CHFR: variants seen among roughly 807,000 people sequenced by gnomAD.
CHFR encodes E3 ubiquitin-protein ligase CHFR.
CHFR carries 57 observed loss-of-function variants against 87.6 expected under a neutral mutation model. The ratio of observed to expected loss-of-function variants is 0.65; its 90% CI spans 0.53 to 0.81. The LOEUF (loss-of-function observed/expected upper bound fraction) is 0.81, where lower values mean the gene tolerates loss of function less well. Ranked by LOEUF, CHFR falls within the 30% of genes least tolerant of loss-of-function variation. The pLI, the probability that CHFR is intolerant of heterozygous loss-of-function variation, is 0.00. For synonymous variants in CHFR, 381 were observed against 359.2 expected (o/e 1.06, Z -0.69); for missense variants, 797 against 865.8 (o/e 0.92, Z 1.00).
intron 15 of CHFR, among the ~76,000 whole-genome samples, chr12:132,845,845 C>T (rs1467188739): frequency 6.6e-6 from 1 of 152,192 alleles, no homozygotes; most frequent in Non-Finnish European, 1.5e-5. Context: ...TCCAAGCTGG[C>T]CCCACCTGTT....
At chr12:132,879,637 C>T (rs1391136939) in intron 2 of CHFR, among the ~76,000 whole-genome samples, 15 of 152,110 alleles carry the variant, frequency 9.9e-5, no homozygotes, top group Non-Finnish European at 1.9e-4. Flanking sequence ...GATATGCCCG[C>T]CTCGGCTTCT....
At chr12:132,872,752 C>T (rs1251297592) in intron 3 of CHFR, among the ~76,000 whole-genome samples, 4 of 152,194 alleles carry the variant, frequency 2.6e-5, no homozygotes, top group African/African-American at 7.2e-5. Context: ...TTGTGCTATC[C>T]ACAGTTCTGT....
chr12:132,877,773 A>G, intron 2 of CHFR, 119 bp from the exon 3 acceptor site: 1 of 524,614 alleles, frequency 1.9e-6, no homozygotes, highest in Non-Finnish European at 3.3e-6. Context: ...ATATGTAAAA[A>G]AAAACACTTG....
rs900499228 is a variant in CHFR at position 132,836,995 on chromosome 12, T to C, written c.*4559A>G. 5 of 353,976 alleles carry C rather than the reference T, an allele frequency of 1.4e-5. No individual in the cohort carries two copies. The highest frequency in any genetic ancestry group is 2.2e-5 in the Non-Finnish European group (4 of 180,266). 21.9% of individuals were successfully genotyped at this position (353,976 alleles called of 1,614,324 possible). A position where few individuals can be genotyped will look rare whatever the true frequency, so the allele number is the denominator to read the frequency against. ...ATAGTGACAGGTGCTGGGGGGAAACTAGACTGGCTGGCGGGGTGGGGGCAG... is the reference window on the plus strand; with the variant it reads ...ATAGTGACAGGTGCTGGGGGGAAACCAGACTGGCTGGCGGGGTGGGGGCAG... On this transcript the variant is annotated 3_prime_UTR_variant, in exon 18 of 18. Transcript: ENST00000450056.
chr12:132,871,974 T>C (rs533441159), intron 4 of CHFR: 19 of 314,826 alleles, frequency 6.0e-5, no homozygotes, highest in Admixed American at 9.4e-5. Context: ...CTAGGTTTTA[T>C]TCCCCATAAC....
chr12:132,863,768 T>C (rs1158605912), intron 6 of CHFR, among the ~76,000 whole-genome samples: 1 of 152,112 alleles, frequency 6.6e-6, no homozygotes, highest in Admixed American at 6.5e-5. Context: ...ATCACCTCTA[T>C]CTTTTTTTTG....
chr12:132,862,173 G>A (rs181632183), intron 6 of CHFR, among the ~76,000 whole-genome samples: 1 of 152,116 alleles, frequency 6.6e-6, no homozygotes, highest in Non-Finnish European at 1.5e-5. Context: ...TACTCAAGAG[G>A]CTGAGGCAGA....
chr12:132,871,156 G>T (rs1951478751), intron 4 of CHFR, among the ~76,000 whole-genome samples: 1 of 152,194 alleles, frequency 6.6e-6, no homozygotes, highest in Non-Finnish European at 1.5e-5. Flanking sequence ...GTGGTCTTTA[G>T]GTATTTCAGG....
chr12:132,863,934 T>C (rs1951273799), intron 6 of CHFR, among the ~76,000 whole-genome samples: 1 of 152,150 alleles, frequency 6.6e-6, no homozygotes, highest in Non-Finnish European at 1.5e-5. Context: ...AAATTGTTTT[T>C]TGTATTTTTG....
At chr12:132,869,947 G>A in intron 5 of CHFR, 149 bp from the exon 6 acceptor site, 1 of 885,196 alleles carries the variant, frequency 1.1e-6, no homozygotes, top group Non-Finnish European at 1.7e-6. Flanking sequence ...GGTGGTGCAG[G>A]CCTGTAATCC....
intron 17 of CHFR, among the ~76,000 whole-genome samples, chr12:132,842,346 T>G (rs898999747): frequency 2.0e-5 from 3 of 152,220 alleles, no homozygotes; most frequent in Admixed American, 6.5e-5. Context: ...AATCTCTTTT[T>G]GTAACAACAT....
intron 2 of CHFR, among the ~76,000 whole-genome samples, chr12:132,880,254 A>G (rs977585011): frequency 4.6e-5 from 7 of 152,206 alleles, no homozygotes; most frequent in African/African-American, 1.7e-4. Flanking sequence ...TTCCAGTGGA[A>G]AAGACAGGCA....
intron 2 of CHFR, among the ~76,000 whole-genome samples, chr12:132,878,832 AG>A (rs1265912823): frequency 0.093 from 12,312 of 131,974 alleles, 898 homozygotes; most frequent in South Asian, 0.14. Flanking sequence ...AAAAAAAAAA[AG>A]AAAAAAAAAA....
intron 15 of CHFR, among the ~76,000 whole-genome samples, chr12:132,846,104 G>C (rs891586771): frequency 6.6e-6 from 1 of 151,978 alleles, no homozygotes; most frequent in South Asian, 2.1e-4. Context: ...TTCTACGTTT[G>C]TCCCTTTGTT....
intron 12 of CHFR, among the ~76,000 whole-genome samples, chr12:132,851,185 T>C (rs983709246): frequency 6.6e-6 from 1 of 151,894 alleles, no homozygotes; most frequent in South Asian, 2.1e-4. Flanking sequence ...GAGATGGGGT[T>C]TCACCATATT....
At position 132,836,688 on chromosome 12, in the gene CHFR, C is replaced by T; in HGVS notation, c.*4866G>A. 1 of 456,110 alleles carries T rather than the reference C, an allele frequency of 2.2e-6. No individual in the cohort carries two copies. The highest frequency in any genetic ancestry group is 4.4e-6 in the Non-Finnish European group (1 of 226,814). 28.3% of individuals were successfully genotyped at this position (456,110 alleles called of 1,614,324 possible). A position where few individuals can be genotyped will look rare whatever the true frequency, so the allele number is the denominator to read the frequency against. On this transcript the variant is annotated 3_prime_UTR_variant, in exon 18 of 18. Coordinates refer to ENST00000450056, the MANE Select transcript of CHFR (RefSeq NM_001161346.2). Reference sequence around the variant, plus strand: ...CTGCTCTGTGTGAGGAACTTTAAGACCCCACCATCTAGACTCACCGCCTCA... The same window carrying T: ...CTGCTCTGTGTGAGGAACTTTAAGATCCCACCATCTAGACTCACCGCCTCA...
intron 12 of CHFR, among the ~76,000 whole-genome samples, chr12:132,851,387 A>G (rs1950939564): frequency 6.6e-6 from 1 of 152,204 alleles, no homozygotes; most frequent in African/African-American, 2.4e-5. Flanking sequence ...ACACAGATCC[A>G]AGCCGAGCCC....
chr12:132,847,355 CCAGAG>C, intron 14 of CHFR: 2 of 1,269,368 alleles, frequency 1.6e-6, no homozygotes, highest in Non-Finnish European at 2.0e-6. Flanking sequence ...GTAACAGTTA[CCAGAG>C]TCTCTCAAAA....
chr12:132,859,463 T>G (rs539790786), intron 7 of CHFR, among the ~76,000 whole-genome samples: 1 of 151,968 alleles, frequency 6.6e-6, no homozygotes, highest in African/African-American at 2.4e-5. Context: ...CCATTCTCCT[T>G]CCTCAGCCTC....
Sources: gnomAD v4.1 joint callset for allele counts (sites outside exome capture counted in the v4.1 genomes callset) on GRCh38, gnomAD v4.1.1 for gene constraint, MANE v1.5 for transcripts, NCBI Gene and HGNC (gene_info 2026-07-23, HGNC 2026-07-21) for gene names.